Variants in C1orf198 observed in about 807,000 individuals in gnomAD.
C1orf198 encodes the protein chromosome 1 open reading frame 198, also known as uncharacterized protein C1orf198.
A neutral mutation model predicts 31.4 loss-of-function variants in C1orf198; 17 were observed. The observed-to-expected ratio is 0.54, with a 90% CI of 0.37 to 0.81. The LOEUF (loss-of-function observed/expected upper bound fraction) is 0.81. Among genes scored for constraint, C1orf198 ranks in the 40% least tolerant of loss-of-function variants. The pLI is 0.00. For synonymous variants in C1orf198, 175 were observed against 193.8 expected, an observed-to-expected ratio of 0.90 and a Z score of 0.81; for missense variants, 401 against 450.3, an observed-to-expected ratio of 0.89 and a Z score of 0.99.
chr1:230,856,682 T>C (rs767701677), intron 1 of C1orf198, among the ~76,000 whole-genome samples: 2 of 152,186 alleles, frequency 1.3e-5, no homozygotes, highest in Admixed American at 6.5e-5. Flanking sequence ...GTGTGCACCA[T>C]GTCTGACTGC....
At chr1:230,841,288 C>G (rs1412447750) in intron 3 of C1orf198, among the ~76,000 whole-genome samples, 1 of 152,182 alleles carries the variant, frequency 6.6e-6, no homozygotes, top group African/African-American at 2.4e-5. Context: ...GGCTAGAGCA[C>G]TGATGTGGAG....
At chr1:230,868,150 A>T in intron 1 of C1orf198, 30 bp downstream of exon 1, 4 of 909,178 alleles carry the variant, frequency 4.4e-6, no homozygotes, top group Non-Finnish European at 5.8e-6. Flanking sequence ...CCGGGAGGGG[A>T]AGAGGGTCCG....
intron 1 of C1orf198, among the ~76,000 whole-genome samples, chr1:230,858,735 C>T (rs1005412639): frequency 6.6e-6 from 1 of 152,176 alleles, no homozygotes; most frequent in African/African-American, 2.4e-5. Flanking sequence ...CCCTGTTACT[C>T]GATATGATTC....
chr1:230,843,384 G>A lies in C1orf198; in HGVS notation c.897C>T (p.Asp299=), dbSNP rs367896589. 2.0e-4 allele frequency: 307 copies of A among 1,559,614 alleles called. No homozygotes were observed. Among genetic ancestry groups the A allele is most frequent in the Non-Finnish European group, 6.9e-5 (80 of 1,151,398 alleles). Residue 299 remains aspartate, a synonymous_variant, in exon 3 of 4, where the codon GAC becomes GAT. Coordinates refer to ENST00000366663, the MANE Select transcript of C1orf198 (RefSeq NM_032800.3). The surrounding 1 kb of genome is among the most constrained non-coding windows in gnomAD (Gnocchi z 4.9). The stretch of plus-strand genomic sequence containing the variant: ...CAAACTTGGGTTCCGAGAACAGGGT[G>A]TCTTCCCCATCGTCCTGCCTGACAT... ...SPDVRQDDGE[D]TLFSEPKFAQ...
At chr1:230,845,813 C>A (rs992299251) in intron 2 of C1orf198, among the ~76,000 whole-genome samples, 1 of 152,194 alleles carries the variant, frequency 6.6e-6, no homozygotes, top group African/African-American at 2.4e-5. Context: ...ACCCTTCCCT[C>A]CTCCCATAAT....
chr1:230,842,261 A>G (rs1669462020), intron 3 of C1orf198, among the ~76,000 whole-genome samples: 1 of 152,232 alleles, frequency 6.6e-6, no homozygotes, highest in Non-Finnish European at 1.5e-5. Context: ...CCAAATTTAT[A>G]CTGTAAAATG....
intron 2 of C1orf198, among the ~76,000 whole-genome samples, chr1:230,846,457 G>A (rs1483617382): frequency 1.3e-5 from 2 of 152,246 alleles, no homozygotes; most frequent in Non-Finnish European, 2.9e-5. Flanking sequence ...ATATTTGTCA[G>A]GGCAAGGATG....
At chr1:230,853,800 G>A (rs770231215) in intron 2 of C1orf198, among the ~76,000 whole-genome samples, 11 of 152,194 alleles carry the variant, frequency 7.2e-5, no homozygotes, top group African/African-American at 1.2e-4. Context: ...AACTTACACT[G>A]GTTCCTAAGG....
At position 230,840,732 on chromosome 1, in the gene C1orf198, C is replaced by T. The variant is rs77745985; in HGVS notation, c.928-824G>A. Among the ~76,000 whole-genome samples, 2,629 of 152,278 alleles carry T rather than the reference C, an allele frequency of 0.017. 70 individuals are homozygous for T. The highest frequency in any genetic ancestry group is 0.06 in the African/African-American group (2,479 of 41,536). ...AAAGAAACCTTGACTCTCCACCCTCCAAGCAGCCGGCCAGCAGAAAATGCA... is the reference window on the plus strand; with the variant it reads ...AAAGAAACCTTGACTCTCCACCCTCTAAGCAGCCGGCCAGCAGAAAATGCA... On this transcript the variant is annotated intron_variant, in intron 3 of 3. Transcript: ENST00000366663. The surrounding 1 kb of genome is among the most constrained non-coding windows in gnomAD (Gnocchi z 4.0).
intron 1 of C1orf198, among the ~76,000 whole-genome samples, chr1:230,859,252 T>C (rs540168183): frequency 8.9e-4 from 136 of 152,230 alleles, no homozygotes; most frequent in African/African-American, 3.0e-3. Flanking sequence ...TGCTGTCCTT[T>C]CTTCTACTCC....
chr1:230,847,355 G>A (rs1669623224), intron 2 of C1orf198, among the ~76,000 whole-genome samples: 1 of 152,012 alleles, frequency 6.6e-6, no homozygotes, highest in Non-Finnish European at 1.5e-5. Context: ...AGATTACTCA[G>A]TGTGCCTGAT....
intron 2 of C1orf198, among the ~76,000 whole-genome samples, chr1:230,849,551 C>A (rs898786989): frequency 1.3e-5 from 2 of 152,350 alleles, no homozygotes; most frequent in East Asian, 3.9e-4. Flanking sequence ...GCGTCAGTCA[C>A]CCCATGCGGG....
chr1:230,842,041 T>C (rs1432970688), intron 3 of C1orf198, among the ~76,000 whole-genome samples: 1 of 152,156 alleles, frequency 6.6e-6, no homozygotes, highest in Non-Finnish European at 1.5e-5. Context: ...AAAGGGTAAA[T>C]ACTATATGGT....
rs1669334589 is a variant in C1orf198 at position 230,837,616 on chromosome 1, G to A, written c.*2236C>T. The A allele has an allele frequency of 6.6e-6, 1 of 152,208 alleles. No individual in the cohort carries two copies. The highest frequency in any genetic ancestry group is 1.5e-5 in the Non-Finnish European group (1 of 68,036). The allele number at this position is 152,208 out of a possible 1,614,324, so 9.4% of individuals were successfully genotyped here. The stretch of plus-strand genomic sequence containing the variant: ...CATCTTCGCATAGACTTTGCCCAAG[G>A]TGTAGAGGAAGATCTGCCGGTCAGG... On this transcript the variant is annotated 3_prime_UTR_variant, in exon 4 of 4. Coordinates refer to ENST00000366663, the MANE Select transcript of C1orf198 (RefSeq NM_032800.3).
intron 1 of C1orf198, among the ~76,000 whole-genome samples, chr1:230,858,623 A>T (rs1202573): frequency 2.4e-4 from 36 of 152,160 alleles, no homozygotes; most frequent in Middle Eastern, 3.4e-3. Flanking sequence ...CAGACAGGCC[A>T]CTGGCCACCC....
At chr1:230,865,177 G>C (rs2102993838) in intron 1 of C1orf198, among the ~76,000 whole-genome samples, 1 of 152,340 alleles carries the variant, frequency 6.6e-6, no homozygotes, top group African/African-American at 2.4e-5. Flanking sequence ...AGACTTCACA[G>C]AGAGGCAAAC....
chr1:230,841,356 C>T (rs927158425), intron 3 of C1orf198, among the ~76,000 whole-genome samples: 2 of 152,186 alleles, frequency 1.3e-5, no homozygotes, highest in East Asian at 1.9e-4. Flanking sequence ...GAGGACAGCA[C>T]GTGCAGCCAT....
chr1:230,855,563 C>T (rs1200334587), intron 2 of C1orf198, 105 bp downstream of exon 2: 8 of 1,217,410 alleles, frequency 6.6e-6, no homozygotes, highest in Non-Finnish European at 8.1e-6. Context: ...TGCAGCCTGG[C>T]AGTCAGGGGG....
At chr1:230,868,681 T>A, upstream of C1orf198, 2 of 279,694 alleles carry the variant, frequency 7.2e-6, no homozygotes, top group Non-Finnish European at 4.5e-6. Flanking sequence ...ACCCCGGCCC[T>A]CCGTGGCCCC....
Sources: allele counts gnomAD v4.1 joint callset (sites outside exome capture counted in the v4.1 genomes callset), GRCh38; gene constraint gnomAD v4.1.1; non-coding constraint Gnocchi (gnomAD v3.1); transcripts MANE v1.5; gene names NCBI Gene and HGNC (gene_info 2026-07-23, HGNC 2026-07-21).